The following PTPRD variants were observed in gnomAD, a reference collection of about 807,000 sequenced individuals.
The protein encoded by PTPRD is receptor-type tyrosine-protein phosphatase delta.
A neutral mutation model predicts 214.5 loss-of-function variants in PTPRD; 34 were observed. That is an observed-to-expected ratio of 0.16 (90% CI 0.12 to 0.21). The LOEUF (loss-of-function observed/expected upper bound fraction) is 0.21. Ranked by LOEUF, PTPRD falls within the 10% of genes least tolerant of loss-of-function variation. PTPRD has a pLI of 1.00. For missense variants in PTPRD, 2,545 were observed against 2,398.7 expected (o/e 1.06, Z -1.27); for synonymous variants, 1,128 against 845.7 (o/e 1.33, Z -5.79).
intron 11 of PTPRD, among the ~76,000 whole-genome samples, chr9:8,987,632 A>G (rs956166791): frequency 6.6e-6 from 1 of 152,102 alleles, no homozygotes; most frequent in Non-Finnish European, 1.5e-5. Context: ...GTGTGTGCTT[A>G]TGTGGACTAG....
At chr9:10,117,175 A>G (rs1563920524) in intron 3 of PTPRD, among the ~76,000 whole-genome samples, 1 of 152,154 alleles carries the variant, frequency 6.6e-6, no homozygotes, top group South Asian at 2.1e-4. Flanking sequence ...TTTGTGCAAC[A>G]AAAGAATGAT....
chr9:9,769,898 C>T (rs1017685944), intron 5 of PTPRD, among the ~76,000 whole-genome samples: 18 of 152,040 alleles, frequency 1.2e-4, no homozygotes, highest in African/African-American at 3.4e-4. Context: ...CTGAGAATGA[C>T]GGTTTCCAGC....
At chr9:10,029,636 T>C (rs899598923) in intron 4 of PTPRD, among the ~76,000 whole-genome samples, 1 of 152,208 alleles carries the variant, frequency 6.6e-6, no homozygotes, top group African/African-American at 2.4e-5. Flanking sequence ...GGAACGGCTG[T>C]ATTTCCCCAG....
intron 6 of PTPRD, among the ~76,000 whole-genome samples, chr9:9,755,301 G>T (rs1350526827): frequency 6.6e-6 from 1 of 151,984 alleles, no homozygotes; most frequent in African/African-American, 2.4e-5. Context: ...ACCTTTTGTA[G>T]AATTTGAGAA....
chr9:10,181,072 G>A (rs2099279645), intron 3 of PTPRD, among the ~76,000 whole-genome samples: 1 of 151,962 alleles, frequency 6.6e-6, no homozygotes, highest in African/African-American at 2.4e-5. Context: ...TGTAAGTCAA[G>A]AAAAACAAAT....
intron 8 of PTPRD, among the ~76,000 whole-genome samples, chr9:9,573,939 CT>C (rs2087469143): frequency 6.6e-6 from 1 of 151,762 alleles, no homozygotes; most frequent in Non-Finnish European, 1.5e-5. Flanking sequence ...AATCAACTGC[CT>C]TTGTGCTTCC....
At chr9:9,233,107 T>C (rs972833334) in intron 9 of PTPRD, among the ~76,000 whole-genome samples, 3 of 152,202 alleles carry the variant, frequency 2.0e-5, no homozygotes, top group Middle Eastern at 3.4e-3. Context: ...CATGCTGCTA[T>C]GAAGAAATAC....
intron 9 of PTPRD, among the ~76,000 whole-genome samples, chr9:9,380,397 C>G (rs181954247): frequency 6.6e-6 from 1 of 152,060 alleles, no homozygotes; most frequent in Admixed American, 6.6e-5. Flanking sequence ...TGTGGGTACA[C>G]AGTAGGTATA....
At chr9:10,442,805 A>G (rs1463834729) in intron 2 of PTPRD, among the ~76,000 whole-genome samples, 1 of 151,472 alleles carries the variant, frequency 6.6e-6, no homozygotes, top group African/African-American at 2.4e-5. Flanking sequence ...TTATGGTCCT[A>G]TTTTTGCTTG....
chr9:10,194,441 G>C (rs913495498), intron 3 of PTPRD, among the ~76,000 whole-genome samples: 5 of 149,306 alleles, frequency 3.3e-5, no homozygotes, highest in Admixed American at 2.7e-4. Flanking sequence ...ATGGCTGTTA[G>C]AGATTATATA....
At chr9:8,543,936 C>A (rs949016728) in intron 14 of PTPRD, among the ~76,000 whole-genome samples, 1 of 151,934 alleles carries the variant, frequency 6.6e-6, no homozygotes, top group Non-Finnish European at 1.5e-5. Flanking sequence ...GGTCTCAAAC[C>A]CCTGACTTCA....
At chr9:9,632,375 T>G (rs1673558055) in intron 7 of PTPRD, among the ~76,000 whole-genome samples, 1 of 152,050 alleles carries the variant, frequency 6.6e-6, no homozygotes. Context: ...ATCTTTAAAG[T>G]AGAAAGAAGA....
At position 8,988,035 on chromosome 9, in the gene PTPRD, T is replaced by G. The variant is rs749367820; in HGVS notation, c.-104+30662A>C. On this transcript the variant is annotated intron_variant, in intron 11 of 45. Transcript: ENST00000381196. Reference sequence around the variant, plus strand: ...AAAGGGAGAGAGAGGCCGGGGGAGATGTAAGGAGGAAGTTGGGGAGAGAGA... The same window carrying G: ...AAAGGGAGAGAGAGGCCGGGGGAGAGGTAAGGAGGAAGTTGGGGAGAGAGA... Among the ~76,000 whole-genome samples the G allele has an allele frequency of 8.7e-4, 132 of 151,178 alleles. 1 individual carries two copies. The highest frequency in any genetic ancestry group is 1.6e-3 in the Non-Finnish European group (111 of 67,684).
Position 9,774,218 on chromosome 9 carries a change from C to G in PTPRD, c.-367-7367G>C, listed in dbSNP as rs114404762. Among the ~76,000 whole-genome samples, 633 of 152,312 alleles carry G rather than the reference C, an allele frequency of 4.2e-3. 4 individuals carry two copies. The highest frequency in any genetic ancestry group is 0.014 in the African/African-American group (588 of 41,566). On this transcript the variant is annotated intron_variant, in intron 5 of 45. Coordinates refer to ENST00000381196, the MANE Select transcript of PTPRD (RefSeq NM_002839.4). Reference sequence around the variant, plus strand: ...ACTTGGCTCTTCAAGATCATTAAAACACATGGAGTTTGATTTTAATTTGTA... The same window carrying G: ...ACTTGGCTCTTCAAGATCATTAAAAGACATGGAGTTTGATTTTAATTTGTA...
intron 3 of PTPRD, among the ~76,000 whole-genome samples, chr9:10,129,723 T>A (rs961999127): frequency 1.3e-5 from 2 of 152,036 alleles, no homozygotes; most frequent in Non-Finnish European, 2.9e-5. Flanking sequence ...AGTAGCAAAG[T>A]AAAGTCTTGT....
chr9:8,512,245 A>G (rs2097697358), intron 21 of PTPRD, among the ~76,000 whole-genome samples: 1 of 152,136 alleles, frequency 6.6e-6, no homozygotes, highest in South Asian at 2.1e-4. Flanking sequence ...TTCAAAACAA[A>G]GAGTCTGATG....
At chr9:8,846,760 TA>T (rs2097705307) in intron 11 of PTPRD, among the ~76,000 whole-genome samples, 1 of 152,026 alleles carries the variant, frequency 6.6e-6, no homozygotes, top group African/African-American at 2.4e-5. Context: ...AGAAAATGAA[TA>T]TGAGTATGGC....
At chr9:10,090,982 C>A (rs1408063406) in intron 3 of PTPRD, among the ~76,000 whole-genome samples, 3 of 147,172 alleles carry the variant, frequency 2.0e-5, no homozygotes, top group African/African-American at 7.5e-5. Context: ...GAGTAACTGT[C>A]CAGAGGCAAA....
chr9:8,638,450 T>C (rs2096495818), intron 12 of PTPRD, among the ~76,000 whole-genome samples: 1 of 152,196 alleles, frequency 6.6e-6, no homozygotes, highest in Non-Finnish European at 1.5e-5. Context: ...AAAAAAATCA[T>C]GTAACTTTAC....
Sources: gnomAD v4.1 joint callset for allele counts (sites outside exome capture counted in the v4.1 genomes callset) on GRCh38, gnomAD v4.1.1 for gene constraint, MANE v1.5 for transcripts, NCBI Gene and HGNC (gene_info 2026-07-23, HGNC 2026-07-21) for gene names.